The following MYO19 variants were observed in gnomAD, a reference collection of about 807,000 sequenced individuals.
MYO19 encodes the protein myosin XIX.
Under a neutral mutation model 129.2 loss-of-function variants are expected in MYO19, and 132 were observed. The observed-to-expected ratio is 1.02, with a 90% CI of 0.89 to 1.18. The LOEUF is 1.18. Ranked by LOEUF, MYO19 falls within the 50% of genes most tolerant of loss-of-function variation. MYO19 has a pLI of 0.00. For missense variants in MYO19, 1,210 were observed against 1,216.7 expected, an observed-to-expected ratio of 0.99 and a Z score of 0.08; for synonymous variants, 531 against 477.2, an observed-to-expected ratio of 1.11 and a Z score of -1.47.
chr17:36,506,936 C>A (rs1165979922), intron 17 of MYO19, 27 bp downstream of exon 17: 3 of 1,546,664 alleles, frequency 1.9e-6, no homozygotes, highest in Non-Finnish European at 2.6e-6. Flanking sequence ...TTCTCGCAGG[C>A]CCCACAGGGC....
intron 4 of MYO19, among the ~76,000 whole-genome samples, 154 bp downstream of exon 4, chr17:36,527,910 C>T (rs1266089908): frequency 6.6e-6 from 1 of 152,204 alleles, no homozygotes; most frequent in African/African-American, 2.4e-5. Context: ...GTGCAGCTGT[C>T]ATGCTCCCTC....
rs574780280 is a variant in MYO19 at position 36,497,464 on chromosome 17, A to G, written c.2757+802T>C. On this transcript the variant is annotated intron_variant, in intron 25 of 25. Coordinates refer to ENST00000614623, the MANE Select transcript of MYO19 (RefSeq NM_001163735.2). ...CCATTTGAGGTAACAAACTCCTCAC[A>G]ACCCAAGTTGTGATGTGGGACTAAT... The G allele has an allele frequency of 1.5e-4, 131 of 893,146 alleles. 2 individuals are homozygous for G. The African/African-American group carries it at 2.1e-3, about 14-fold the overall frequency. 55.3% of individuals were successfully genotyped at this position (893,146 alleles called of 1,614,324 possible). A position where few individuals can be genotyped will look rare whatever the true frequency, so the allele number is the denominator to read the frequency against.
intron 11 of MYO19, chr17:36,513,153 A>G (rs767339141): frequency 8.0e-5 from 112 of 1,400,860 alleles, no homozygotes; most frequent in Non-Finnish European, 1.0e-4. Flanking sequence ...CTCTCTTCTG[A>G]TCATGCGGTA....
chr17:36,499,576 A>C (rs576804349), intron 23 of MYO19: 99 of 154,276 alleles, frequency 6.4e-4, no homozygotes, highest in Middle Eastern at 3.4e-3. Context: ...TCACATCACC[A>C]TATACCCAAA....
At chr17:36,514,690 G>A in intron 8 of MYO19, 142 bp from the exon 9 acceptor site, 1 of 636,070 alleles carries the variant, frequency 1.6e-6, no homozygotes, top group South Asian at 1.9e-5. Flanking sequence ...TGAGGGGTGG[G>A]GACCACTCAG....
chr17:36,540,965 C>G (rs1222415732), intron 2 of MYO19, among the ~76,000 whole-genome samples: 7 of 152,090 alleles, frequency 4.6e-5, no homozygotes, highest in Non-Finnish European at 7.4e-5. Context: ...CCTATCTATG[C>G]CCTTCAGAAA....
chr17:36,538,658 T>C, upstream of MYO19: 2 of 1,412,100 alleles, frequency 1.4e-6, no homozygotes, highest in South Asian at 1.3e-5. Flanking sequence ...CAATATTTAA[T>C]GAGGAATATT....
chr17:36,499,290 T>C, intron 23 of MYO19, 130 bp from the exon 24 acceptor site: 1 of 605,032 alleles, frequency 1.7e-6, no homozygotes, highest in Non-Finnish European at 2.9e-6. Context: ...AATAAATTGC[T>C]ACAAATAAGG....
intron 6 of MYO19, among the ~76,000 whole-genome samples, chr17:36,525,011 G>A (rs914282700): frequency 6.6e-6 from 1 of 152,212 alleles, no homozygotes; most frequent in Non-Finnish European, 1.5e-5. Flanking sequence ...CACCCAGGGT[G>A]ATGGCAGAGC....
intron 14 of MYO19, chr17:36,508,847 G>A (rs2072108332): frequency 3.4e-6 from 2 of 581,992 alleles, no homozygotes; most frequent in South Asian, 4.2e-5. Context: ...GAGCCTGTCT[G>A]GAGAGTTATG....
In MYO19 at chr17:36,527,946, T is replaced by A. The variant is rs893907922; in HGVS notation, c.151+118A>T. Reference sequence around the variant, plus strand: ...AGGCGGAGGTCTGGAGCAGCCCACCTGGCTCCAGATCAGGAGTCCTGCCGA... The same window carrying A: ...AGGCGGAGGTCTGGAGCAGCCCACCAGGCTCCAGATCAGGAGTCCTGCCGA... On this transcript the variant is annotated intron_variant, in intron 4 of 25. Coordinates refer to ENST00000614623, the MANE Select transcript of MYO19 (RefSeq NM_001163735.2). 38 of 1,391,576 alleles carry A rather than the reference T, an allele frequency of 2.7e-5. 1 individual carries two copies. The Admixed American group carries it at 8.7e-4, about 32-fold the overall frequency. 86.2% of individuals were successfully genotyped at this position (1,391,576 alleles called of 1,614,324 possible).
Position 36,507,912 on chromosome 17 carries a change from A to G in MYO19, c.1244T>C (p.Val415Ala), listed in dbSNP as rs1242270236. The G allele has an allele frequency of 6.2e-7, 1 of 1,605,998 alleles. No individual in the cohort carries two copies. The highest frequency in any genetic ancestry group is 1.3e-5 in the African/African-American group (1 of 74,682). The stretch of plus-strand genomic sequence containing the variant: ...GTCAGGAAATGATTCAAATCCATAC[A>G]CATCCAGCAGGCCTGGGAAGATGGC... The part of the protein sequence containing the change: ...SWTTFIGLLD[V>A]YGFESFPDNS... Residue 415 changes from valine (V) to alanine (A), a missense_variant, in exon 15 of 26, where the codon GTG (valine) becomes GCG (alanine). Transcript: ENST00000614623.
At chr17:36,501,516 C>G (rs925156017) in intron 21 of MYO19, 6 of 326,438 alleles carry the variant, frequency 1.8e-5, no homozygotes, top group Non-Finnish European at 3.4e-5. Context: ...TTTGGGCAGG[C>G]TGGCAGAGGG....
rs1487011949 is a variant in MYO19 at position 36,541,303 on chromosome 17, CTT to C, written n.395+776_395+777del. The stretch of plus-strand genomic sequence containing the variant: ...GTCTACTACACGTGCCCCAGTAGCT[CTT>C]GTGTGCCGAAGATGACAACCAGTTT... On this transcript the variant is annotated intron_variant and non_coding_transcript_variant, in intron 2 of 2. Coordinates refer to the MYO19 transcript ENST00000610496. 7.9e-5 allele frequency among the ~76,000 whole-genome samples: 12 copies of C among 152,312 alleles called. No individual in the cohort carries two copies. In the East Asian group the frequency reaches 2.3e-3, roughly 29 times the overall value.
upstream of MYO19, chr17:36,537,510 A>C (rs2074158884): frequency 6.2e-7 from 1 of 1,613,994 alleles, no homozygotes; most frequent in African/African-American, 1.3e-5. Flanking sequence ...TGTAATTACC[A>C]GTGCGTTTAC....
chr17:36,510,657 CCT>C, intron 13 of MYO19, 87 bp downstream of exon 13: 3 of 1,416,840 alleles, frequency 2.1e-6, no homozygotes, highest in Non-Finnish European at 2.9e-6. Flanking sequence ...TGGGCCTGTG[CCT>C]ATTGCCTGAT....
chr17:36,500,996 T>C, intron 22 of MYO19, 37 bp from the exon 23 acceptor site: 1 of 1,604,246 alleles, frequency 6.2e-7, no homozygotes, highest in Non-Finnish European at 8.5e-7. Flanking sequence ...CAGCCTCTTC[T>C]CCCCCTGCCC....
chr17:36,495,754 G>T lies in MYO19; in HGVS notation c.*497C>A. On this transcript the variant is annotated 3_prime_UTR_variant, in exon 26 of 26. Transcript: ENST00000614623. The stretch of plus-strand genomic sequence containing the variant: ...AATAAAATCAAAACGTGATTCTACT[G>T]TACATTGCATTATTCATAATTTAAT... The T allele has an allele frequency of 8.0e-7, 1 of 1,246,924 alleles. No homozygotes were observed. Among genetic ancestry groups the T allele is most frequent in the Non-Finnish European group, 1.0e-6 (1 of 996,788 alleles). The allele number at this position is 1,246,924 out of a possible 1,614,324, so 77.2% of individuals were successfully genotyped here. A position where few individuals can be genotyped will look rare whatever the true frequency, so the allele number is the denominator to read the frequency against.
upstream of MYO19, chr17:36,535,605 T>C (rs2142586371): frequency 6.6e-6 from 1 of 152,374 alleles, no homozygotes; most frequent in African/African-American, 2.4e-5. Flanking sequence ...ACGTGAGGTA[T>C]ACGGGTAGGG....
Sources: gnomAD v4.1 joint callset for allele counts (sites outside exome capture counted in the v4.1 genomes callset) on GRCh38, gnomAD v4.1.1 for gene constraint, MANE v1.5 for transcripts, NCBI Gene and HGNC (gene_info 2026-07-23, HGNC 2026-07-21) for gene names.